The following CCR10 variants were observed in gnomAD, a reference collection of about 807,000 sequenced individuals.
The protein encoded by CCR10 is C-C motif chemokine receptor 10.
In CCR10, 11 loss-of-function variants were observed where a neutral mutation model predicts 11.9. That is an observed-to-expected ratio of 0.92 (90% CI 0.58 to 1.53). The LOEUF (loss-of-function observed/expected upper bound fraction) is 1.53, where lower values mean the gene tolerates loss of function less well. Among genes scored for constraint, CCR10 ranks in the 40% most tolerant of loss-of-function variants. CCR10 has a pLI of 0.00. For missense variants in CCR10, 428 were observed against 496.6 expected, an observed-to-expected ratio of 0.86 and a Z score of 1.31; for synonymous variants, 224 against 245.4, an observed-to-expected ratio of 0.91 and a Z score of 0.81.
rs905640053 is a variant in CCR10 at position 42,679,093 on chromosome 17, T to C, written c.*460A>G. On this transcript the variant is annotated 3_prime_UTR_variant, in exon 2 of 2. Coordinates refer to ENST00000332438, the MANE Select transcript of CCR10 (RefSeq NM_016602.3). Reference sequence around the variant, plus strand: ...CAGTATTTGCTAAGGCAGCCATTACTGGAGAGCGCTCTGGTTGTTAGAAAG... The same window carrying C: ...CAGTATTTGCTAAGGCAGCCATTACCGGAGAGCGCTCTGGTTGTTAGAAAG... 6.5e-6 allele frequency: 1 copy of C among 153,100 alleles called. No individual in the cohort carries two copies. Among genetic ancestry groups the C allele is most frequent in the Non-Finnish European group, 1.4e-5 (1 of 69,162 alleles). 9.5% of individuals were successfully genotyped at this position (153,100 alleles called of 1,614,324 possible).
Position 42,680,040 on chromosome 17 carries a change from T to C in CCR10, c.602A>G (p.Gln201Arg). ...CACGGCGCTCGCCCCCTTCACCGTC[T>C]GCGTGAGGCCCTCGGGGAAGATGAG... ...CRLIFPEGLTQTVKGASAVAQ... is the reference protein window; with the variant it reads ...CRLIFPEGLTRTVKGASAVAQ... The change falls in exon 2 of 2, where the codon CAG (glutamine) becomes CGG (arginine). Residue 201 changes from glutamine (Q) to arginine (R), a missense_variant. Coordinates refer to ENST00000332438, the MANE Select transcript of CCR10 (RefSeq NM_016602.3). 6.3e-7 allele frequency: 1 copy of C among 1,594,546 alleles called. No individual in the cohort carries two copies. The highest frequency in any genetic ancestry group is 8.5e-7 in the Non-Finnish European group (1 of 1,174,530).
Position 42,681,839 on chromosome 17 carries a change from T to G in CCR10, c.-16A>C. 6.2e-7 allele frequency: 1 copy of G among 1,613,088 alleles called. No homozygotes were observed. The highest frequency in any genetic ancestry group is 2.2e-5 in the East Asian group (1 of 44,874). On this transcript the variant is annotated 5_prime_UTR_variant, in exon 1 of 2. Coordinates refer to ENST00000332438, the MANE Select transcript of CCR10 (RefSeq NM_016602.3). Reference sequence around the variant, plus strand: ...CCGTCCCCATCTCTGGCTACACAGGTTTCTGAGGTATAGCCACAGGGGGTA... The same window carrying G: ...CCGTCCCCATCTCTGGCTACACAGGGTTCTGAGGTATAGCCACAGGGGGTA...
At position 42,680,377 on chromosome 17, in the gene CCR10, G is replaced by A. The variant is rs200473179; in HGVS notation, c.265C>T (p.Leu89Phe). ...AAGGGCAGAGTCAGGGCCAGCAAGA[G>A]GTCGGCCAGGGCCAGCTGGAGCAGG... is the stretch of plus-strand genomic sequence containing the variant. ...AHLLQLALAD[L>F]LLALTLPFAA... The change falls in exon 2 of 2, where the codon CTC (leucine) becomes TTC (phenylalanine). Residue 89 changes from leucine to phenylalanine, a missense_variant. Leu to Phe is a conservative substitution (Grantham distance 22, BLOSUM62 0). Transcript: ENST00000332438. 9.6e-5 allele frequency: 150 copies of A among 1,556,576 alleles called. 1 individual carries two copies. In the East Asian group the frequency reaches 3.6e-3, roughly 37 times the overall value.
In CCR10 at chr17:42,681,645, C is replaced by G. The variant is rs115236732; in HGVS notation, c.24+155G>C. ...CACAACCCCAGCCTCACACCACCAG[C>G]CCATTTATCTGGAGGACCCCTAGTC... On this transcript the variant is annotated intron_variant, in intron 1 of 1. Coordinates refer to ENST00000332438, the MANE Select transcript of CCR10 (RefSeq NM_016602.3). 3.1e-3 allele frequency among the ~76,000 whole-genome samples: 475 copies of G among 152,304 alleles called. 2 individuals carry two copies. Among genetic ancestry groups the G allele is most frequent in the African/African-American group, 0.01 (427 of 41,560 alleles).
Position 42,679,285 on chromosome 17 carries a change from C to T in CCR10, c.*268G>A, listed in dbSNP as rs2052899444. The T allele has an allele frequency of 5.7e-6, 2 of 350,932 alleles. No individual in the cohort carries two copies. Among genetic ancestry groups the T allele is most frequent in the Admixed American group, 4.8e-5 (1 of 21,046 alleles). The allele number at this position is 350,932 out of a possible 1,614,324, so 21.7% of individuals were successfully genotyped here. ...CCCCACCCAGGCCCTCAGCGTCTTC[C>T]ACTCAGAGAGCCAAGCGCGGGGCAG... On this transcript the variant is annotated 3_prime_UTR_variant, in exon 2 of 2. Transcript: ENST00000332438.
Position 42,679,635 on chromosome 17 carries a change from G to C in CCR10, c.1007C>G (p.Pro336Arg). The C allele has an allele frequency of 6.7e-7, 1 of 1,484,680 alleles. No homozygotes were observed. Among genetic ancestry groups the C allele is most frequent in the Non-Finnish European group, 8.9e-7 (1 of 1,122,512 alleles). 92.0% of individuals were successfully genotyped at this position (1,484,680 alleles called of 1,614,324 possible). ...GGGCCGGCGGGGGCAGCCGCGGCGGGGTTGAGGCCCTGAGGGGCAGCTCCC... is the reference window on the plus strand; with the variant it reads ...GGGCCGGCGGGGGCAGCCGCGGCGGCGTTGAGGCCCTGAGGGGCAGCTCCC... ...RGGSCPSGPQ[P>R]RRGCPRRPRL... is the part of the protein sequence containing the mutation. Residue 336 changes from proline to arginine, a missense_variant, in exon 2 of 2, where the codon CCC becomes CGC. Pro to Arg is a moderately radical substitution (Grantham distance 103). Coordinates refer to ENST00000332438, the MANE Select transcript of CCR10 (RefSeq NM_016602.3).
In CCR10 at chr17:42,680,086, C is replaced by G; in HGVS notation, c.556G>C (p.Glu186Gln). 6.2e-7 allele frequency: 1 copy of G among 1,609,396 alleles called. No homozygotes were observed. Among genetic ancestry groups the G allele is most frequent in the Non-Finnish European group, 8.5e-7 (1 of 1,179,174 alleles). ...ALLFSQDGQR[E>Q]GQRRCRLIFP... The stretch of plus-strand genomic sequence containing the variant: ...ATGAGGCGACAGCGTCGTTGGCCTT[C>G]CCGCTGCCCATCCTGGCTGAAGAGC... Residue 186 changes from glutamate (E) to glutamine (Q), a missense_variant, in exon 2 of 2, where the codon GAA becomes CAA. Physicochemically the swap from Glu to Gln is conservative, Grantham distance 29. Coordinates refer to ENST00000332438, the MANE Select transcript of CCR10 (RefSeq NM_016602.3).
At position 42,679,812 on chromosome 17, in the gene CCR10, G is replaced by C. The variant is rs538935038; in HGVS notation, c.830C>G (p.Ala277Gly). Residue 277 changes from alanine to glycine, a missense_variant, in exon 2 of 2, where the codon GCG becomes GGG. Coordinates refer to ENST00000332438, the MANE Select transcript of CCR10 (RefSeq NM_016602.3). ...LLLDTADLLA[A>G]RERSCPASKR... is the part of the protein sequence containing the mutation. ...GCTGGCAGGGCAGCTCCGCTCGCGC[G>C]CAGCCAGTAGATCGGCAGTATCCAG... The C allele has an allele frequency of 7.5e-6, 12 of 1,607,878 alleles. No homozygotes were observed. The highest frequency in any genetic ancestry group is 1.0e-5 in the Non-Finnish European group (12 of 1,178,344).
At chr17:42,681,492 A>C in intron 1 of CCR10, 1 of 497,400 alleles carries the variant, frequency 2.0e-6, no homozygotes, top group Non-Finnish European at 3.6e-6. Flanking sequence ...CTGTACCTCC[A>C]ATACCAGCAC....
rs896754410 is a variant in CCR10, at chr17:42,679,914, C to T, written c.728G>A (p.Arg243Gln). ...TLLAARGPERRRALRVVVALV... is the reference protein window; with the variant it reads ...TLLAARGPERQRALRVVVALV... ...AGCCACCACGACGCGCAGCGCACGCCGGCGCTCGGGCCCCCTGGCGGCCAG... is the reference window on the plus strand; with the variant it reads ...AGCCACCACGACGCGCAGCGCACGCTGGCGCTCGGGCCCCCTGGCGGCCAG... Residue 243 changes from arginine (R) to glutamine (Q), a missense_variant, in exon 2 of 2, where the codon CGG becomes CAG. By Grantham distance (43) the Arg-to-Gln change is conservative. Transcript: ENST00000332438. 5 of 1,561,994 alleles carry T rather than the reference C, an allele frequency of 3.2e-6. No homozygotes were observed. The Admixed American group carries it at 7.5e-5, about 24-fold the overall frequency.
In CCR10 at chr17:42,679,690, G is replaced by A. The variant is rs764065497; in HGVS notation, c.952C>T (p.Arg318Cys). The change falls in exon 2 of 2, where the codon CGC (arginine) becomes TGC (cysteine). Residue 318 changes from arginine (R) to cysteine (C), a missense_variant. By Grantham distance (180) the Arg-to-Cys change is radical. Coordinates refer to ENST00000332438, the MANE Select transcript of CCR10 (RefSeq NM_016602.3). Reference sequence around the variant, plus strand: ...CGTAGCAGCCTCCGCAGGTCCTGGCGGAAGCGCAGGCCCAGGAAGGCGTAG... The same window carrying A: ...CGTAGCAGCCTCCGCAGGTCCTGGCAGAAGCGCAGGCCCAGGAAGGCGTAG... ...VLYAFLGLRF[R>C]QDLRRLLRGG... 1 of 1,530,160 alleles carries A rather than the reference G, an allele frequency of 6.5e-7. No individual in the cohort carries two copies. Among genetic ancestry groups the A allele is most frequent in the South Asian group, 1.3e-5 (1 of 78,902 alleles). The allele number at this position is 1,530,160 out of a possible 1,614,324, so 94.8% of individuals were successfully genotyped here.
rs781413453 is a variant in CCR10, at chr17:42,681,836, A to G, written c.-13T>C. 6.2e-7 allele frequency: 1 copy of G among 1,613,430 alleles called. No individual in the cohort carries two copies. On this transcript the variant is annotated 5_prime_UTR_variant, in exon 1 of 2. Coordinates refer to ENST00000332438, the MANE Select transcript of CCR10 (RefSeq NM_016602.3). ...CCTCCGTCCCCATCTCTGGCTACAC[A>G]GGTTTCTGAGGTATAGCCACAGGGG...
In CCR10 at chr17:42,679,333, G is replaced by A. The variant is rs1017499014; in HGVS notation, c.*220C>T. On this transcript the variant is annotated 3_prime_UTR_variant, in exon 2 of 2. Coordinates refer to ENST00000332438, the MANE Select transcript of CCR10 (RefSeq NM_016602.3). ...CAGGGCGGGGGGTGGGGCGGGGGCG[G>A]GGTGTTAACCCACCGGTTCTGCCCC... The A allele has an allele frequency of 2.6e-6, 1 of 388,982 alleles. No homozygotes were observed. Among genetic ancestry groups the A allele is most frequent in the African/African-American group, 2.1e-5 (1 of 48,358 alleles). The allele number at this position is 388,982 out of a possible 1,614,324, so 24.1% of individuals were successfully genotyped here. A position where few individuals can be genotyped will look rare whatever the true frequency, so the allele number is the denominator to read the frequency against.
chr17:42,681,732 G>T, intron 1 of CCR10, 68 bp downstream of exon 1: 2 of 1,168,938 alleles, frequency 1.7e-6, no homozygotes, highest in Non-Finnish European at 1.3e-6. Context: ...GCCAGGTGGG[G>T]AATCCCATTC....
chr17:42,679,522 T>C lies in CCR10; in HGVS notation c.*31A>G. 7.0e-7 allele frequency: 1 copy of C among 1,424,086 alleles called. No individual in the cohort carries two copies. The highest frequency in any genetic ancestry group is 9.2e-7 in the Non-Finnish European group (1 of 1,081,686). The allele number at this position is 1,424,086 out of a possible 1,614,324, so 88.2% of individuals were successfully genotyped here. A position where few individuals can be genotyped will look rare whatever the true frequency, so the allele number is the denominator to read the frequency against. ...CACCTACTCCCCTTTCCCACGACCC[T>C]CAGCCTGCCCCCTCCTCTAGATTCG... On this transcript the variant is annotated 3_prime_UTR_variant, in exon 2 of 2. Transcript: ENST00000332438.
At chr17:42,681,155 A>G (rs2052928022) in intron 1 of CCR10, among the ~76,000 whole-genome samples, 1 of 152,006 alleles carries the variant, frequency 6.6e-6, no homozygotes, top group African/African-American at 2.4e-5. Context: ...AGCTGGGACT[A>G]CAGGCGCCCA....
chr17:42,680,649 T>G (rs2052920787), intron 1 of CCR10, 32 bp from the exon 2 acceptor site: 1 of 1,455,308 alleles, frequency 6.9e-7, no homozygotes, highest in South Asian at 1.3e-5. Flanking sequence ...CGGGATCTTA[T>G]GAGACACATC....
At position 42,679,353 on chromosome 17, in the gene CCR10, T is replaced by C; in HGVS notation, c.*200A>G. On this transcript the variant is annotated 3_prime_UTR_variant, in exon 2 of 2. Coordinates refer to ENST00000332438, the MANE Select transcript of CCR10 (RefSeq NM_016602.3). ...GGGCGGGGTGTTAACCCACCGGTTC[T>C]GCCCCGCCACAAATCACTTCCAAGT... 2.4e-6 allele frequency: 1 copy of C among 412,628 alleles called. No homozygotes were observed. Among genetic ancestry groups the C allele is most frequent in the Non-Finnish European group, 4.2e-6 (1 of 237,736 alleles). 25.6% of individuals were successfully genotyped at this position (412,628 alleles called of 1,614,324 possible).
At chr17:42,681,160 C>T (rs933537286) in intron 1 of CCR10, among the ~76,000 whole-genome samples, 4 of 152,096 alleles carry the variant, frequency 2.6e-5, no homozygotes, top group Non-Finnish European at 2.9e-5. Flanking sequence ...GGACTACAGG[C>T]GCCCACCACC....
Sources: gnomAD v4.1 joint callset for allele counts (sites outside exome capture counted in the v4.1 genomes callset) on GRCh38, gnomAD v4.1.1 for gene constraint, MANE v1.5 for transcripts, NCBI Gene and HGNC (gene_info 2026-07-23, HGNC 2026-07-21) for gene names.